The following NIM1K variants were observed in gnomAD, a reference collection of about 807,000 sequenced individuals.
NIM1K encodes serine/threonine-protein kinase NIM1.
NIM1K carries 35 observed loss-of-function variants against 37.1 expected under a neutral mutation model. The ratio of observed to expected loss-of-function variants is 0.94; its 90% CI spans 0.72 to 1.25. The LOEUF is 1.25. Among genes scored for constraint, NIM1K ranks in the 50% most tolerant of loss-of-function variants. The pLI is 0.00. For missense variants in NIM1K, 564 were observed against 548.0 expected, an observed-to-expected ratio of 1.03 and a Z score of -0.29; for synonymous variants, 234 against 206.6, an observed-to-expected ratio of 1.13 and a Z score of -1.14.
intron 1 of NIM1K, among the ~76,000 whole-genome samples, chr5:43,220,293 CTTTTTT>C (rs70994613): frequency 1.5e-5 from 2 of 130,424 alleles, no homozygotes; most frequent in African/African-American, 5.7e-5. Context: ...GTGGGTATCT[CTTTTTT>C]TTTTTTTTTT....
intron 1 of NIM1K, among the ~76,000 whole-genome samples, chr5:43,219,004 TAGTG>T (rs1201393174): frequency 6.6e-6 from 1 of 152,102 alleles, no homozygotes; most frequent in South Asian, 2.1e-4. Context: ...GTTCTTGTGA[TAGTG>T]AGTGAGTTCT....
At chr5:43,209,986 C>A (rs1412664894) in intron 1 of NIM1K, among the ~76,000 whole-genome samples, 1 of 152,124 alleles carries the variant, frequency 6.6e-6, no homozygotes, top group East Asian at 1.9e-4. Context: ...TTCCCTGGTG[C>A]CCAGAATCTG....
chr5:43,248,684 A>C (rs994359409), intron 2 of NIM1K, among the ~76,000 whole-genome samples: 1 of 152,010 alleles, frequency 6.6e-6, no homozygotes, highest in African/African-American at 2.4e-5. Flanking sequence ...CCCAAGATCC[A>C]CAGTCAGCAA....
intron 3 of NIM1K, among the ~76,000 whole-genome samples, chr5:43,279,325 C>A (rs978739491): frequency 1.3e-5 from 2 of 152,184 alleles, no homozygotes; most frequent in Admixed American, 6.5e-5. Flanking sequence ...AGACTGTCCC[C>A]TCCAAAGCCT....
chr5:43,220,525 C>A (rs1166088936), intron 1 of NIM1K, among the ~76,000 whole-genome samples: 2 of 152,160 alleles, frequency 1.3e-5, no homozygotes, highest in East Asian at 3.8e-4. Context: ...AGGTGATCCG[C>A]CCGCCTTGGC....
intron 1 of NIM1K, among the ~76,000 whole-genome samples, chr5:43,229,209 A>AC (rs1752502198): frequency 1.3e-5 from 2 of 151,844 alleles, no homozygotes; most frequent in Admixed American, 1.3e-4. Context: ...ACATGGCAAA[A>AC]CCCCGTCTCT....
Position 43,216,239 on chromosome 5 carries a change from A to C in NIM1K, c.-695+23828A>C, listed in dbSNP as rs112657834. The stretch of plus-strand genomic sequence containing the variant: ...GGTTTTCTGTGAAGTGAGTTGAGGA[A>C]ATGGAAACTGGTGAGTCTGACTCTG... On this transcript the variant is annotated intron_variant, in intron 1 of 3. Coordinates refer to ENST00000326035, the MANE Select transcript of NIM1K (RefSeq NM_153361.4). 1.2e-4 allele frequency among the ~76,000 whole-genome samples: 18 copies of C among 152,168 alleles called. 1 individual carries two copies. Among genetic ancestry groups the C allele is most frequent in the African/African-American group, 4.3e-4 (18 of 41,472 alleles).
At chr5:43,224,349 G>A (rs1339760380) in intron 1 of NIM1K, among the ~76,000 whole-genome samples, 1 of 151,878 alleles carries the variant, frequency 6.6e-6, no homozygotes, top group Non-Finnish European at 1.5e-5. Flanking sequence ...GCTGAGGCAG[G>A]AGAATCGCTT....
intron 2 of NIM1K, among the ~76,000 whole-genome samples, chr5:43,260,499 A>G (rs1026364244): frequency 2.6e-5 from 4 of 152,110 alleles, no homozygotes; most frequent in African/African-American, 9.7e-5. Flanking sequence ...ATTTTACTTA[A>G]TGCTCTTTCT....
chr5:43,277,120 C>G lies in NIM1K; in HGVS notation c.356C>G (p.Ser119Cys). Residue 119 changes from serine (S) to cysteine (C), a missense_variant, in exon 3 of 4, where the codon TCC becomes TGC. Physicochemically the swap from Ser to Cys is moderately radical, Grantham distance 112. Coordinates refer to ENST00000326035, the MANE Select transcript of NIM1K (RefSeq NM_153361.4). ...KLDQKTQRLL[S>C]REISSMEKLH... ...GACCAGAAAACCCAGAGGCTACTAT[C>G]CCGAGAAATCTCCAGCATGGAAAAG... 6.2e-7 allele frequency: 1 copy of G among 1,614,140 alleles called. No individual in the cohort carries two copies. Among genetic ancestry groups the G allele is most frequent in the Non-Finnish European group, 8.5e-7 (1 of 1,180,006 alleles).
rs1753414455 is a variant in NIM1K, at chr5:43,280,142, T to C, written c.724T>C (p.Phe242Leu). 1 of 1,614,094 alleles carries C rather than the reference T, an allele frequency of 6.2e-7. No individual in the cohort carries two copies. Among genetic ancestry groups the C allele is most frequent in the Admixed American group, 1.7e-5 (1 of 60,012 alleles). The change falls in exon 4 of 4, where the codon TTC (phenylalanine) becomes CTC (leucine). Residue 242 changes from phenylalanine (F) to leucine (L), a missense_variant. Phe to Leu is a conservative substitution (Grantham distance 22). Coordinates refer to ENST00000326035, the MANE Select transcript of NIM1K (RefSeq NM_153361.4). ...GSPPYAAPEL[F>L]RDEHYIGIYV... ...TCCTCCCTACGCTGCGCCTGAACTCTTCCGGGACGAGCACTACATCGGCAT... is the reference window on the plus strand; with the variant it reads ...TCCTCCCTACGCTGCGCCTGAACTCCTCCGGGACGAGCACTACATCGGCAT...
intron 1 of NIM1K, among the ~76,000 whole-genome samples, chr5:43,229,384 C>CA (rs58730944): frequency 0.38 from 34,269 of 89,958 alleles, 7,177 homozygotes; most frequent in East Asian, 0.76. Context: ...AACTCCATCT[C>CA]AAAAAAAAAA....
intron 2 of NIM1K, among the ~76,000 whole-genome samples, chr5:43,276,621 T>C (rs1037068411): frequency 2.0e-5 from 3 of 152,210 alleles, no homozygotes; most frequent in Admixed American, 6.5e-5. Flanking sequence ...ATGAACCAGG[T>C]AGAGAAAATC....
intron 2 of NIM1K, among the ~76,000 whole-genome samples, chr5:43,269,308 C>CAAAAAAAAAAAAAAAA (rs1359809549): frequency 1.8e-5 from 1 of 55,700 alleles, no homozygotes; most frequent in Admixed American, 2.7e-4. Context: ...GACTTCATCT[C>CAAAAAAAAAAAAAAAA]AAAAAAAAAA....
chr5:43,257,573 G>A (rs781612539), intron 2 of NIM1K, among the ~76,000 whole-genome samples: 23 of 151,886 alleles, frequency 1.5e-4, no homozygotes, highest in African/African-American at 3.1e-4. Flanking sequence ...GGGTAGTCTC[G>A]ATCTCCTGAC....
At chr5:43,263,012 C>T (rs374102195) in intron 2 of NIM1K, among the ~76,000 whole-genome samples, 1 of 152,092 alleles carries the variant, frequency 6.6e-6, no homozygotes, top group Non-Finnish European at 1.5e-5. Flanking sequence ...ATTCAGTTTG[C>T]CAGTATTTTA....
At chr5:43,249,547 A>C (rs575075371) in intron 2 of NIM1K, among the ~76,000 whole-genome samples, 5 of 152,336 alleles carry the variant, frequency 3.3e-5, no homozygotes, top group African/African-American at 1.2e-4. Context: ...AGGATGGACG[A>C]AGGCAATGAC....
intron 2 of NIM1K, among the ~76,000 whole-genome samples, chr5:43,276,238 T>C (rs1417406314): frequency 1.3e-5 from 2 of 152,206 alleles, no homozygotes; most frequent in African/African-American, 2.4e-5. Flanking sequence ...TAGCTCATGA[T>C]TCTGCAGGCT....
chr5:43,258,208 C>G (rs1752975377), intron 2 of NIM1K, among the ~76,000 whole-genome samples: 1 of 152,158 alleles, frequency 6.6e-6, no homozygotes, highest in Non-Finnish European at 1.5e-5. Flanking sequence ...AATGTGTATT[C>G]TTTTGTCTTA....
Sources: gnomAD v4.1 joint callset for allele counts (sites outside exome capture counted in the v4.1 genomes callset) on GRCh38, gnomAD v4.1.1 for gene constraint, MANE v1.5 for transcripts, NCBI Gene and HGNC (gene_info 2026-07-23, HGNC 2026-07-21) for gene names.